COL15A1: variants seen among roughly 807,000 people sequenced by gnomAD.
COL15A1 encodes collagen type XV alpha 1 chain, also known as collagen alpha-1(XV) chain.
Under a neutral mutation model 165.9 loss-of-function variants are expected in COL15A1, and 111 were observed. That is an observed-to-expected ratio of 0.67 (90% CI 0.57 to 0.78). The LOEUF (loss-of-function observed/expected upper bound fraction) is 0.78, where lower values mean the gene tolerates loss of function less well. Ranked by LOEUF, COL15A1 falls within the 30% of genes least tolerant of loss-of-function variation. COL15A1 has a pLI of 0.00. For missense variants in COL15A1, 1,745 were observed against 1,789.7 expected, an observed-to-expected ratio of 0.98 and a Z score of 0.45; for synonymous variants, 659 against 674.8, an observed-to-expected ratio of 0.98 and a Z score of 0.36.
chr9:99,064,913 G>A (rs116113612), intron 39 of COL15A1, among the ~76,000 whole-genome samples: 273 of 152,254 alleles, frequency 1.8e-3, no homozygotes, highest in African/African-American at 6.0e-3. Flanking sequence ...GAACTAATAC[G>A]TATTCATTGC....
At position 99,066,599 on chromosome 9, in the gene COL15A1, G is replaced by GTTTTTTTTTTTTTTTTTTT. The variant is rs67961829; in HGVS notation, c.3652-276_3652-258dup. Among the ~76,000 whole-genome samples the GTTTTTTTTTTTTTTTTTTT allele has an allele frequency of 2.8e-4, 20 of 71,040 alleles. 2 individuals carry two copies. The highest frequency in any genetic ancestry group is 3.1e-4 in the African/African-American group (6 of 19,128). The allele number at this position is 71,040 out of a possible 152,430, so 46.6% of individuals were successfully genotyped here. On this transcript the variant is annotated intron_variant, in intron 39 of 41. Transcript: ENST00000375001. The stretch of plus-strand genomic sequence containing the variant: ...TTTGGTCCAAGCAATATTTTGTTCT[G>GTTTTTTTTTTTTTTTTTTT]TTTTTTTTTTTTTTTTTTTTTTTTT...
chr9:99,015,296 A>C (rs777726117), intron 9 of COL15A1, 121 bp from the exon 10 acceptor site: 3 of 705,924 alleles, frequency 4.2e-6, no homozygotes, highest in Non-Finnish European at 7.6e-6. Flanking sequence ...GAGCAAAGGA[A>C]AGGGAATCAT....
At position 99,004,976 on chromosome 9, in the gene COL15A1, G is replaced by A. The variant is rs760766648; in HGVS notation, c.1279G>A (p.Glu427Lys). The A allele has an allele frequency of 1.1e-5, 17 of 1,613,978 alleles. No individual in the cohort carries two copies. Among genetic ancestry groups the A allele is most frequent in the Non-Finnish European group, 1.3e-5 (15 of 1,179,980 alleles). ...ACTCGCCAGCATGCCTGGGGAAGTGGAGGCCAGTGGTGTGGCCCCCGGGGA... is the reference window on the plus strand; with the variant it reads ...ACTCGCCAGCATGCCTGGGGAAGTGAAGGCCAGTGGTGTGGCCCCCGGGGA... ...EALASMPGEV[E>K]ASGVAPGELD... The change falls in exon 9 of 42, where the codon GAG becomes AAG. Residue 427 changes from glutamate (E) to lysine (K), a missense_variant. Glu to Lys is a moderately conservative substitution (Grantham distance 56). Transcript: ENST00000375001.
At chr9:98,954,050 A>G (rs575207846) in intron 2 of COL15A1, among the ~76,000 whole-genome samples, 23 of 152,264 alleles carry the variant, frequency 1.5e-4, no homozygotes, top group African/African-American at 5.1e-4. Flanking sequence ...CTCATAGTTC[A>G]GTAGTAGAGA....
intron 5 of COL15A1, among the ~76,000 whole-genome samples, chr9:98,991,785 T>A (rs1838437292): frequency 6.6e-6 from 1 of 152,144 alleles, no homozygotes; most frequent in African/African-American, 2.4e-5. Context: ...ATTGGTGTGT[T>A]TACAAACCTT....
chr9:99,055,433 C>A, intron 34 of COL15A1, 61 bp downstream of exon 34: 4 of 1,018,056 alleles, frequency 3.9e-6, no homozygotes, highest in Non-Finnish European at 6.2e-6. Flanking sequence ...CGGAAGCCCC[C>A]AATGGGACTA....
intron 12 of COL15A1, among the ~76,000 whole-genome samples, chr9:99,021,178 T>C (rs73655906): frequency 7.9e-5 from 12 of 152,168 alleles, no homozygotes; most frequent in Non-Finnish European, 1.8e-4. Flanking sequence ...ATGACCCTGG[T>C]CCTCTGCCTG....
chr9:99,034,967 A>C (rs1430695084), intron 17 of COL15A1, 47 bp from the exon 18 acceptor site: 1 of 1,554,476 alleles, frequency 6.4e-7, no homozygotes, highest in Non-Finnish European at 8.9e-7. Context: ...TGTTCCTTCC[A>C]TGAGTGAACC....
intron 8 of COL15A1, 55 bp from the exon 9 acceptor site, chr9:99,004,843 G>A (rs910284041): frequency 1.2e-6 from 2 of 1,609,154 alleles, no homozygotes; most frequent in Admixed American, 1.7e-5. Flanking sequence ...TTACCACAGT[G>A]TGGTGGATCA....
intron 2 of COL15A1, among the ~76,000 whole-genome samples, chr9:98,961,847 G>A (rs1011263771): frequency 9.8e-5 from 15 of 152,306 alleles, no homozygotes; most frequent in Admixed American, 3.3e-4. Flanking sequence ...TTTACATAGC[G>A]TAAGAGAAGA....
At chr9:99,025,117 C>A in intron 15 of COL15A1, 118 bp downstream of exon 15, 2 of 757,414 alleles carry the variant, frequency 2.6e-6, no homozygotes, top group Non-Finnish European at 2.1e-6. Flanking sequence ...GAGAGAGCAG[C>A]TAGCTGTTTG....
At chr9:99,043,228 G>A (rs538787416) in intron 24 of COL15A1, among the ~76,000 whole-genome samples, 1 of 152,170 alleles carries the variant, frequency 6.6e-6, no homozygotes, top group African/African-American at 2.4e-5. Context: ...CTGCTCCAGG[G>A]CATGGAGGGC....
intron 5 of COL15A1, among the ~76,000 whole-genome samples, chr9:98,993,065 G>A (rs1838474858): frequency 6.6e-6 from 1 of 152,190 alleles, no homozygotes; most frequent in Non-Finnish European, 1.5e-5. Context: ...GTTCCACCAA[G>A]CGTGAATCCC....
rs1432214293 is a variant in COL15A1, at chr9:99,015,317, G to A, written c.1354-100G>A. The stretch of plus-strand genomic sequence containing the variant: ...AGGAAAGGGAATCATGGAGCCTCCA[G>A]TTATCTGAGGCTTTAGCGCTTTCCA... On this transcript the variant is annotated intron_variant, in intron 9 of 41. Coordinates refer to ENST00000375001, the MANE Select transcript of COL15A1 (RefSeq NM_001855.5). The A allele has an allele frequency of 5.2e-6, 4 of 771,024 alleles. No homozygotes were observed. In the East Asian group the frequency reaches 9.8e-5, roughly 19 times the overall value. The allele number at this position is 771,024 out of a possible 1,614,324, so 47.8% of individuals were successfully genotyped here.
At chr9:99,046,852 G>C (rs577382023) in intron 26 of COL15A1, among the ~76,000 whole-genome samples, 4 of 152,230 alleles carry the variant, frequency 2.6e-5, no homozygotes, top group Admixed American at 2.6e-4. Context: ...CCTGTGCCCT[G>C]TCAACCCCAT....
rs370576409 is a variant in COL15A1, at chr9:99,025,876, T to A, written c.1981-28T>A. 9.1e-4 allele frequency: 1,465 copies of A among 1,608,776 alleles called. 16 individuals carry two copies. Among genetic ancestry groups the A allele is most frequent in the South Asian group, 7.5e-3 (676 of 89,726 alleles). On this transcript the variant is annotated intron_variant, in intron 15 of 41. Transcript: ENST00000375001. The stretch of plus-strand genomic sequence containing the variant: ...TATGTGATATTTAGCAGAAATGTTG[T>A]GGGTTGATTGTCACTGATGTTCCCC...
intron 39 of COL15A1, among the ~76,000 whole-genome samples, chr9:99,065,337 G>A (rs763860498): frequency 3.3e-5 from 5 of 152,092 alleles, no homozygotes; most frequent in Admixed American, 6.6e-5. Context: ...TAGCCCCAAA[G>A]CACACTGGTT....
intron 2 of COL15A1, among the ~76,000 whole-genome samples, chr9:98,980,580 G>A (rs968583343): frequency 6.6e-6 from 1 of 152,218 alleles, no homozygotes; most frequent in Admixed American, 6.5e-5. Flanking sequence ...CCTGACCACA[G>A]AGGGCCTCTT....
chr9:98,963,076 C>T (rs1389266622), intron 2 of COL15A1, among the ~76,000 whole-genome samples: 1 of 152,228 alleles, frequency 6.6e-6, no homozygotes, highest in Non-Finnish European at 1.5e-5. Flanking sequence ...GTGAAGAATG[C>T]TGTCATGCAT....
Sources: gnomAD v4.1 joint callset for allele counts (sites outside exome capture counted in the v4.1 genomes callset) on GRCh38, gnomAD v4.1.1 for gene constraint, MANE v1.5 for transcripts, NCBI Gene and HGNC (gene_info 2026-07-23, HGNC 2026-07-21) for gene names.